MAP7D3: variants seen among roughly 807,000 people sequenced by gnomAD.
MAP7D3 encodes MAP7 domain-containing protein 3.
Under a neutral mutation model 62.2 loss-of-function variants are expected in MAP7D3, and 45 were observed. The observed-to-expected ratio is 0.72, with a 90% CI of 0.57 to 0.93. The LOEUF is 0.93. Ranked by LOEUF, MAP7D3 falls within the 40% of genes least tolerant of loss-of-function variation. The pLI, the probability that MAP7D3 is intolerant of heterozygous loss-of-function variation, is 0.00. For missense variants in MAP7D3, 711 were observed against 683.1 expected, an observed-to-expected ratio of 1.04 and a Z score of -0.45; for synonymous variants, 288 against 248.8, an observed-to-expected ratio of 1.16 and a Z score of -1.48.
intron 2 of MAP7D3, 45 bp from the exon 3 acceptor site, chrX:136,246,193 T>G (rs1474504936): frequency 1.8e-6 from 2 of 1,129,002 alleles, no homozygotes; most frequent in Admixed American, 4.4e-5. Flanking sequence ...GATATCAAAT[T>G]TTAAAGATAT....
At chrX:136,246,599 C>T (rs1320918682) in intron 1 of MAP7D3, among the ~76,000 whole-genome samples, 1 of 111,842 alleles carries the variant, frequency 8.9e-6, no homozygotes, top group African/African-American at 3.3e-5. Context: ...TTGTTAGTGG[C>T]GGTGGCAGCA....
intron 13 of MAP7D3, 38 bp from the exon 14 acceptor site, chrX:136,224,918 G>C (rs1276281404): frequency 1.1e-6 from 1 of 933,915 alleles, no homozygotes; most frequent in East Asian, 3.1e-5. Context: ...CATGAAAACA[G>C]ATTAGAAACC....
chrX:136,229,993 A>AT (rs1173283842), intron 10 of MAP7D3, among the ~76,000 whole-genome samples: 781 of 48,046 alleles, frequency 0.016, 28 homozygotes, highest in African/African-American at 0.052. Flanking sequence ...ATATATATAT[A>AT]TTTTTTTTTT....
Position 136,251,335 on chromosome X carries a change from A to G in MAP7D3, c.24T>C (p.Ala8=). MMADGAA[A]GAGGSPSLRE... Reference sequence around the variant, plus strand: ...TCAAGGATGGGCTGCCGCCAGCGCCAGCTGCGGCGCCGTCCGCCATCATCG... The same window carrying G: ...TCAAGGATGGGCTGCCGCCAGCGCCGGCTGCGGCGCCGTCCGCCATCATCG... The change falls in exon 1 of 19, where the codon GCT becomes GCC. Residue 8 remains alanine, a synonymous_variant. Transcript: ENST00000316077. The G allele has an allele frequency of 8.9e-7, 1 of 1,126,865 alleles. No individual in the cohort carries two copies. Among genetic ancestry groups the G allele is most frequent in the Non-Finnish European group, 1.2e-6 (1 of 858,891 alleles). The allele number at this position is 1,126,865 out of a possible 1,213,427, so 92.9% of individuals were successfully genotyped here.
intron 18 of MAP7D3, among the ~76,000 whole-genome samples, 184 bp downstream of exon 18, chrX:136,219,212 ACT>A (rs1263286565): frequency 9.0e-6 from 1 of 111,574 alleles, no homozygotes; most frequent in African/African-American, 3.3e-5. Context: ...CAAGTCATCT[ACT>A]CTCTACTTTC....
chrX:136,246,404 G>T, intron 1 of MAP7D3, 63 bp from the exon 2 acceptor site: 2 of 664,444 alleles, frequency 3.0e-6, no homozygotes, highest in Non-Finnish European at 2.4e-6. Flanking sequence ...ACAGGAGTCA[G>T]CAAACCACGG....
upstream of MAP7D3, among the ~76,000 whole-genome samples, chrX:136,253,976 C>T (rs1339770470): frequency 9.1e-6 from 1 of 109,803 alleles, no homozygotes; most frequent in Non-Finnish European, 1.9e-5. Context: ...TGCTGCACTC[C>T]AGCCTGGGAG....
chrX:136,218,746 T>G (rs1159262134), intron 18 of MAP7D3, among the ~76,000 whole-genome samples: 1 of 111,870 alleles, frequency 8.9e-6, no homozygotes, highest in Non-Finnish European at 1.9e-5. Context: ...AGGTTGAGGC[T>G]TATTCCGAAG....
At chrX:136,256,283 C>G (rs1327504455), upstream of MAP7D3, 2 of 1,154,836 alleles carry the variant, frequency 1.7e-6, no homozygotes, top group South Asian at 3.8e-5. Flanking sequence ...CGCTTTCTTC[C>G]CTCCTAAGTT....
intron 1 of MAP7D3, 124 bp from the exon 2 acceptor site, chrX:136,246,465 G>T: frequency 2.1e-6 from 1 of 475,350 alleles, no homozygotes; most frequent in East Asian, 3.7e-5. Context: ...AATCATGACT[G>T]ATTTCATCTG....
rs1400815901 is a variant in MAP7D3, at chrX:136,217,078, GC to G, written c.*1447del. The G allele has an allele frequency of 2.7e-5, 3 of 111,863 alleles. No homozygotes were observed. The highest frequency in any genetic ancestry group is 5.7e-5 in the Non-Finnish European group (3 of 52,763). 9.2% of individuals were successfully genotyped at this position (111,863 alleles called of 1,213,427 possible). ...ACCTCCTTTTACTAATCCAAGACTGGCAGCCAAAAGGAACACTGGCCTGCTT... is the reference window on the plus strand; with the variant it reads ...ACCTCCTTTTACTAATCCAAGACTGGAGCCAAAAGGAACACTGGCCTGCTT... On this transcript the variant is annotated 3_prime_UTR_variant, in exon 19 of 19. Coordinates refer to ENST00000316077, the MANE Select transcript of MAP7D3 (RefSeq NM_024597.4).
intron 5 of MAP7D3, 43 bp from the exon 6 acceptor site, chrX:136,240,529 G>C: frequency 1.1e-6 from 1 of 877,206 alleles, no homozygotes; most frequent in Non-Finnish European, 1.7e-6. Context: ...ATTTCAAGGA[G>C]GAAAGAATCA....
chrX:136,231,519 T>G (rs369499927), intron 8 of MAP7D3, 25 bp downstream of exon 8: 1 of 1,146,206 alleles, frequency 8.7e-7, no homozygotes, highest in Non-Finnish European at 1.2e-6. Flanking sequence ...ATAGAAAATT[T>G]GTCAATAACA....
At chrX:136,252,494 T>G (rs777197190), upstream of MAP7D3, among the ~76,000 whole-genome samples, 25 of 104,047 alleles carry the variant, frequency 2.4e-4, no homozygotes, top group Non-Finnish European at 3.7e-4. Flanking sequence ...CTGGCCAACA[T>G]GGTGAAACTC....
chrX:136,222,356 T>C (rs756444048), intron 15 of MAP7D3, 37 bp downstream of exon 15: 8 of 1,069,973 alleles, frequency 7.5e-6, no homozygotes, highest in Non-Finnish European at 9.1e-6. Flanking sequence ...CCCCTGGATA[T>C]GAACCTAAGC....
rs752556107 is a variant in MAP7D3 at position 136,232,038 on chromosome X, G to C, written c.919C>G (p.Pro307Ala). The part of the protein sequence containing the change: ...TPPKASVDAP[P>A]QVNVEVFCNT... ...CAGAATACTTCCACATTCACCTGGG[G>C]GGGTGCATCCACACTTGCCTTGGGA... Residue 307 changes from proline to alanine, a missense_variant, in exon 8 of 19, where the codon CCC (proline) becomes GCC (alanine). Transcript: ENST00000316077. 6 of 1,211,338 alleles carry C rather than the reference G, an allele frequency of 5.0e-6. No homozygotes were observed. The highest frequency in any genetic ancestry group is 2.2e-5 in the Admixed American group (1 of 46,038).
At chrX:136,255,812 C>T (rs1278379126), upstream of MAP7D3, among the ~76,000 whole-genome samples, 1 of 111,367 alleles carries the variant, frequency 9.0e-6, no homozygotes, top group Non-Finnish European at 1.9e-5. Flanking sequence ...GAATCCTGCT[C>T]GCTTTTTCTT....
intron 3 of MAP7D3, among the ~76,000 whole-genome samples, chrX:136,245,272 A>G (rs2074434750): frequency 9.0e-6 from 1 of 111,617 alleles, no homozygotes; most frequent in Non-Finnish European, 1.9e-5. Context: ...AATGGACTTA[A>G]CCATATACCA....
chrX:136,217,720 G>A lies in MAP7D3; in HGVS notation c.*806C>T, dbSNP rs1224950522. ...TATTCTGTTCTCTACAAGATCAACT[G>A]TGAGTTTTTAGCTGTCAAAATTGTC... is the stretch of plus-strand genomic sequence containing the variant. On this transcript the variant is annotated 3_prime_UTR_variant, in exon 19 of 19. Coordinates refer to ENST00000316077, the MANE Select transcript of MAP7D3 (RefSeq NM_024597.4). The A allele has an allele frequency of 1.8e-5, 2 of 112,046 alleles. No homozygotes were observed. Among genetic ancestry groups the A allele is most frequent in the Admixed American group, 9.5e-5 (1 of 10,544 alleles). The allele number at this position is 112,046 out of a possible 1,213,427, so 9.2% of individuals were successfully genotyped here. A position where few individuals can be genotyped will look rare whatever the true frequency, so the allele number is the denominator to read the frequency against.
Sources: allele counts gnomAD v4.1 joint callset (sites outside exome capture counted in the v4.1 genomes callset), GRCh38; gene constraint gnomAD v4.1.1; transcripts MANE v1.5; gene names NCBI Gene and HGNC (gene_info 2026-07-23, HGNC 2026-07-21).